CDH13: variants seen among roughly 807,000 people sequenced by gnomAD.
The protein encoded by CDH13 is cadherin 13.
CDH13 carries 24 observed loss-of-function variants against 63.8 expected under a neutral mutation model. The ratio of observed to expected loss-of-function variants is 0.38; its 90% CI spans 0.27 to 0.53. CDH13 has a LOEUF of 0.53. Ranked by LOEUF, CDH13 falls within the 20% of genes least tolerant of loss-of-function variation. The pLI, the probability that CDH13 is intolerant of heterozygous loss-of-function variation, is 0.85. For missense variants in CDH13, 1,049 were observed against 903.1 expected, an observed-to-expected ratio of 1.16 and a Z score of -2.07; for synonymous variants, 503 against 355.3, an observed-to-expected ratio of 1.42 and a Z score of -4.67.
At chr16:82,672,816 C>A (rs111815222) in intron 1 of CDH13, among the ~76,000 whole-genome samples, 63 of 150,314 alleles carry the variant, frequency 4.2e-4, no homozygotes, top group African/African-American at 1.5e-3. Context: ...CACACACACA[C>A]AAAATATATA....
intron 6 of CDH13, among the ~76,000 whole-genome samples, chr16:83,365,700 G>T (rs190658054): frequency 6.6e-6 from 1 of 152,332 alleles, no homozygotes; most frequent in Admixed American, 6.5e-5. Context: ...GAAGAGGAAG[G>T]CAAGAGAGTG....
At chr16:83,754,716 A>C (rs1374166551) in intron 11 of CDH13, among the ~76,000 whole-genome samples, 1 of 152,102 alleles carries the variant, frequency 6.6e-6, no homozygotes, top group Non-Finnish European at 1.5e-5. Flanking sequence ...GTAAGATGGG[A>C]CTTGCTCCTC....
At chr16:83,215,866 T>G (rs2039487504) in intron 4 of CDH13, among the ~76,000 whole-genome samples, 1 of 152,204 alleles carries the variant, frequency 6.6e-6, no homozygotes, top group South Asian at 2.1e-4. Context: ...ATAATCAAAT[T>G]AACGTTTGAA....
At chr16:83,293,857 C>T (rs1031888083) in intron 5 of CDH13, among the ~76,000 whole-genome samples, 1 of 152,152 alleles carries the variant, frequency 6.6e-6, no homozygotes, top group Admixed American at 6.5e-5. Context: ...CAATCAGAGC[C>T]ATAATCTCTA....
chr16:83,414,434 A>G (rs1597965706), intron 6 of CDH13, among the ~76,000 whole-genome samples: 1 of 152,338 alleles, frequency 6.6e-6, no homozygotes, highest in East Asian at 1.9e-4. Context: ...TATTGTGATA[A>G]GGACACTTAC....
chr16:82,817,768 G>A (rs1241240747), intron 1 of CDH13, among the ~76,000 whole-genome samples: 2 of 152,122 alleles, frequency 1.3e-5, no homozygotes, highest in African/African-American at 4.8e-5. Context: ...TCACACCACT[G>A]CACTTCAGCC....
chr16:82,911,649 G>C (rs1387737328), intron 2 of CDH13, among the ~76,000 whole-genome samples: 1 of 152,154 alleles, frequency 6.6e-6, no homozygotes, highest in Admixed American at 6.5e-5. Context: ...AGATCCACCA[G>C]GAGCCTCACT....
chr16:82,977,848 C>T (rs969269907), intron 2 of CDH13, among the ~76,000 whole-genome samples: 1 of 152,178 alleles, frequency 6.6e-6, no homozygotes, highest in Non-Finnish European at 1.5e-5. Context: ...AATTTTGGAA[C>T]TTCCTAGAGA....
At chr16:83,675,576 T>C (rs1282398014) in intron 9 of CDH13, among the ~76,000 whole-genome samples, 1 of 152,222 alleles carries the variant, frequency 6.6e-6, no homozygotes, top group East Asian at 1.9e-4. Context: ...TTCTTGTTAT[T>C]GATACCAACA....
At chr16:83,494,868 C>T (rs2074099392) in intron 7 of CDH13, among the ~76,000 whole-genome samples, 2 of 152,116 alleles carry the variant, frequency 1.3e-5, no homozygotes, top group African/African-American at 2.4e-5. Flanking sequence ...TAGTTGAACA[C>T]TTTGGGGTTC....
intron 5 of CDH13, among the ~76,000 whole-genome samples, chr16:83,334,191 A>G (rs2090537584): frequency 6.6e-6 from 1 of 151,848 alleles, no homozygotes; most frequent in Non-Finnish European, 1.5e-5. Flanking sequence ...TTAACGACTC[A>G]TGATTATATT....
intron 5 of CDH13, among the ~76,000 whole-genome samples, chr16:83,266,887 C>G (rs570127708): frequency 2.0e-5 from 3 of 152,202 alleles, no homozygotes; most frequent in Non-Finnish European, 2.9e-5. Context: ...CTTGTCCTAA[C>G]TATCAATGAC....
chr16:83,527,972 C>G (rs192879483), intron 7 of CDH13, among the ~76,000 whole-genome samples: 6 of 152,286 alleles, frequency 3.9e-5, no homozygotes, highest in Non-Finnish European at 7.4e-5. Context: ...CGAATGAGTT[C>G]GGTGACTTTC....
chr16:83,307,993 AT>A (rs1308719018), intron 5 of CDH13, among the ~76,000 whole-genome samples: 1 of 152,148 alleles, frequency 6.6e-6, no homozygotes, highest in Non-Finnish European at 1.5e-5. Flanking sequence ...CATAATTTGC[AT>A]TTTTAAATGG....
chr16:83,555,261 G>A (rs1225457123), intron 7 of CDH13, among the ~76,000 whole-genome samples: 1 of 151,944 alleles, frequency 6.6e-6, no homozygotes, highest in East Asian at 1.9e-4. Context: ...AACAGGCATA[G>A]GGGTATCTTA....
chr16:83,140,691 G>A (rs1371553131), intron 4 of CDH13, among the ~76,000 whole-genome samples: 1 of 152,156 alleles, frequency 6.6e-6, no homozygotes, highest in Admixed American at 6.5e-5. Flanking sequence ...CTGACCTCAG[G>A]TGATCCACCC....
intron 2 of CDH13, among the ~76,000 whole-genome samples, chr16:82,977,736 G>A (rs1384865611): frequency 1.3e-5 from 2 of 152,194 alleles, no homozygotes; most frequent in Non-Finnish European, 2.9e-5. Context: ...GCAGGGTGCT[G>A]CTCTAAAGAT....
Position 82,968,493 on chromosome 16 carries a change from C to A in CDH13, c.158-63517C>A, listed in dbSNP as rs139195008. 2.1e-4 allele frequency among the ~76,000 whole-genome samples: 32 copies of A among 152,288 alleles called. 1 individual carries two copies. Among genetic ancestry groups the A allele is most frequent in the Middle Eastern group, 6.8e-3 (2 of 294 alleles). On this transcript the variant is annotated intron_variant, in intron 2 of 13. Coordinates refer to ENST00000567109, the MANE Select transcript of CDH13 (RefSeq NM_001257.5). ...AGAAGCATACTCATGGCCCTGCCAG[C>A]GGCTTGGAGACATAAGGGAGGTAAA...
intron 1 of CDH13, among the ~76,000 whole-genome samples, chr16:82,701,654 A>G (rs1193434015): frequency 6.6e-6 from 1 of 151,920 alleles, no homozygotes; most frequent in Non-Finnish European, 1.5e-5. Flanking sequence ...CATTGTGGTG[A>G]TAACGTGGCT....
Sources: gnomAD v4.1 joint callset for allele counts (sites outside exome capture counted in the v4.1 genomes callset) on GRCh38, gnomAD v4.1.1 for gene constraint, MANE v1.5 for transcripts, NCBI Gene and HGNC (gene_info 2026-07-23, HGNC 2026-07-21) for gene names.